Variants in SNTG1 observed in about 807,000 individuals in gnomAD.
SNTG1 encodes gamma-1-syntrophin.
Under a neutral mutation model 74.7 loss-of-function variants are expected in SNTG1, and 39 were observed. That is an observed-to-expected ratio of 0.52 (90% CI 0.40 to 0.68). SNTG1 has a LOEUF of 0.68. Among genes scored for constraint, SNTG1 ranks in the 30% least tolerant of loss-of-function variants. The pLI is 0.00. For missense variants in SNTG1, 685 were observed against 609.5 expected (o/e 1.12, Z -1.30); for synonymous variants, 254 against 217.1 (o/e 1.17, Z -1.49).
At chr8:50,035,749 A>C (rs1174038510) in intron 1 of SNTG1, among the ~76,000 whole-genome samples, 2 of 152,200 alleles carry the variant, frequency 1.3e-5, no homozygotes, top group Admixed American at 6.5e-5. Flanking sequence ...GGACCCAGAC[A>C]AGACTGTTTA....
chr8:49,942,463 A>G (rs966185093), intron 1 of SNTG1, among the ~76,000 whole-genome samples: 3 of 152,162 alleles, frequency 2.0e-5, no homozygotes, highest in African/African-American at 7.2e-5. Context: ...TAATAAACCA[A>G]TATCAATGCC....
intron 15 of SNTG1, among the ~76,000 whole-genome samples, chr8:50,672,753 T>G (rs2095290915): frequency 6.6e-6 from 1 of 152,218 alleles, no homozygotes; most frequent in East Asian, 1.9e-4. Flanking sequence ...TGACATGAAT[T>G]CTTGGCTTAT....
intron 11 of SNTG1, among the ~76,000 whole-genome samples, chr8:50,547,274 T>C (rs2094395112): frequency 6.6e-6 from 1 of 152,148 alleles, no homozygotes; most frequent in Admixed American, 6.5e-5. Flanking sequence ...TCTGTGTAAC[T>C]CAGGAGCAAT....
intron 18 of SNTG1, among the ~76,000 whole-genome samples, chr8:50,766,055 T>G (rs2095612727): frequency 6.6e-6 from 1 of 151,972 alleles, no homozygotes; most frequent in South Asian, 2.1e-4. Context: ...AATTATGAGT[T>G]GCAGTGGATT....
Position 49,934,280 on chromosome 8 carries a change from GATCTATCTATCTATCTATCTATCT to G in SNTG1, c.-103+22083_-103+22106del, listed in dbSNP as rs6150575. On this transcript the variant is annotated intron_variant, in intron 1 of 18. Coordinates refer to ENST00000642720, the MANE Select transcript of SNTG1 (RefSeq NM_018967.5). ...CTCTCCTGGTCATATATACTATATAGATCTATCTATCTATCTATCTATCTATCTATCTATCTATCTATCTATCTA... is the reference window on the plus strand; with the variant it reads ...CTCTCCTGGTCATATATACTATATAGATCTATCTATCTATCTATCTATCTA... Among the ~76,000 whole-genome samples the G allele has an allele frequency of 6.5e-3, 954 of 146,496 alleles. 12 individuals carry two copies. Among genetic ancestry groups the G allele is most frequent in the African/African-American group, 0.023 (893 of 39,552 alleles).
intron 2 of SNTG1, among the ~76,000 whole-genome samples, chr8:50,324,181 A>G (rs1159287267): frequency 6.6e-6 from 1 of 152,142 alleles, no homozygotes; most frequent in African/African-American, 2.4e-5. Context: ...GGGCTGGTAA[A>G]TATTTTCCCT....
intron 2 of SNTG1, among the ~76,000 whole-genome samples, chr8:50,241,889 A>G (rs1373543818): frequency 1.3e-5 from 2 of 152,074 alleles, no homozygotes; most frequent in East Asian, 1.9e-4. Flanking sequence ...CAGCACTAAC[A>G]TATCAGTCTC....
At chr8:49,987,717 C>T (rs1430718906) in intron 1 of SNTG1, among the ~76,000 whole-genome samples, 7 of 142,296 alleles carry the variant, frequency 4.9e-5, no homozygotes, top group Middle Eastern at 3.7e-3. Flanking sequence ...GGCGTGATCT[C>T]GGCTTACTGC....
At chr8:50,016,275 T>G (rs1816305141) in intron 1 of SNTG1, among the ~76,000 whole-genome samples, 1 of 152,126 alleles carries the variant, frequency 6.6e-6, no homozygotes, top group Non-Finnish European at 1.5e-5. Context: ...AGAAATGGTT[T>G]GTTGTTGTTG....
At chr8:50,311,123 A>T (rs927451745) in intron 2 of SNTG1, among the ~76,000 whole-genome samples, 2 of 152,172 alleles carry the variant, frequency 1.3e-5, no homozygotes, top group Non-Finnish European at 2.9e-5. Context: ...TACTGTTTTT[A>T]AGTTCTGTTT....
At chr8:50,771,932 G>A (rs920584221) in intron 18 of SNTG1, among the ~76,000 whole-genome samples, 2 of 152,086 alleles carry the variant, frequency 1.3e-5, no homozygotes, top group Non-Finnish European at 2.9e-5. Flanking sequence ...CAAAATGTGA[G>A]AGCTATGGAA....
intron 1 of SNTG1, among the ~76,000 whole-genome samples, chr8:49,928,025 G>C (rs1265218484): frequency 1.3e-5 from 2 of 151,146 alleles, no homozygotes; most frequent in Admixed American, 6.6e-5. Context: ...GCTACTCGGG[G>C]GGCTGAGGCA....
At chr8:50,774,607 T>A (rs1464498980) in intron 18 of SNTG1, among the ~76,000 whole-genome samples, 3 of 151,802 alleles carry the variant, frequency 2.0e-5, no homozygotes, top group Admixed American at 2.0e-4. Flanking sequence ...TTTTAGATAA[T>A]AACTTGAATA....
At chr8:50,355,331 A>G (rs926587709) in intron 2 of SNTG1, among the ~76,000 whole-genome samples, 3 of 151,974 alleles carry the variant, frequency 2.0e-5, no homozygotes, top group Admixed American at 6.6e-5. Flanking sequence ...ACAGGCATAT[A>G]TTTCTAATTT....
At chr8:50,075,688 G>A (rs1040636075) in intron 1 of SNTG1, among the ~76,000 whole-genome samples, 16 of 152,226 alleles carry the variant, frequency 1.1e-4, no homozygotes, top group African/African-American at 3.9e-4. Context: ...CTTTGGGTCC[G>A]TACTGCCTTT....
intron 15 of SNTG1, among the ~76,000 whole-genome samples, chr8:50,662,645 T>C (rs184260697): frequency 3.4e-4 from 52 of 152,300 alleles, no homozygotes; most frequent in Admixed American, 3.1e-3. Context: ...AGCGTAAATA[T>C]TGATAATTTG....
intron 1 of SNTG1, among the ~76,000 whole-genome samples, chr8:49,989,309 T>C (rs1157348681): frequency 6.6e-6 from 1 of 152,040 alleles, no homozygotes; most frequent in East Asian, 1.9e-4. Context: ...GATAAATTAG[T>C]ACCCTGGAAA....
chr8:50,126,259 G>T (rs923155515), intron 1 of SNTG1, among the ~76,000 whole-genome samples: 5 of 152,110 alleles, frequency 3.3e-5, no homozygotes, highest in Admixed American at 1.3e-4. Flanking sequence ...CAGGCCTTTG[G>T]ACTCAGACTG....
At chr8:50,011,187 A>G (rs2130568949) in intron 1 of SNTG1, among the ~76,000 whole-genome samples, 1 of 152,294 alleles carries the variant, frequency 6.6e-6, no homozygotes, top group East Asian at 1.9e-4. Flanking sequence ...TTAAAGAACT[A>G]GAACATGACA....
Sources: allele counts gnomAD v4.1 joint callset (sites outside exome capture counted in the v4.1 genomes callset), GRCh38; gene constraint gnomAD v4.1.1; transcripts MANE v1.5; gene names NCBI Gene and HGNC (gene_info 2026-07-23, HGNC 2026-07-21).